GPD2: variants seen among roughly 807,000 people sequenced by gnomAD.
The protein encoded by GPD2 is glycerol-3-phosphate dehydrogenase 2, also known as glycerol-3-phosphate dehydrogenase, mitochondrial.
In GPD2, 54 loss-of-function variants were observed where a neutral mutation model predicts 82.4. The ratio of observed to expected loss-of-function variants is 0.66; its 90% CI spans 0.53 to 0.82. The LOEUF is 0.82. Among genes scored for constraint, GPD2 ranks in the 40% least tolerant of loss-of-function variants. The pLI, the probability that GPD2 is intolerant of heterozygous loss-of-function variation, is 0.00. For synonymous variants in GPD2, 288 were observed against 306.1 expected (o/e 0.94, Z 0.62); for missense variants, 748 against 896.2 (o/e 0.83, Z 2.11).
rs868085344 is a variant in GPD2 at position 156,488,251 on chromosome 2, G to T, written c.103-7793G>T. 1.0e-3 allele frequency among the ~76,000 whole-genome samples: 152 copies of T among 152,298 alleles called. 1 individual carries two copies. Among genetic ancestry groups the T allele is most frequent in the African/African-American group, 3.6e-3 (149 of 41,560 alleles). On this transcript the variant is annotated intron_variant, in intron 2 of 16. Transcript: ENST00000438166. ...ATGTCAGTTTTTAGAATCACAAAGT[G>T]ATTCAGGAAGTGAATAAAGGCCTTT...
upstream of GPD2, chr2:156,436,270 C>G (rs903943424): frequency 6.6e-6 from 1 of 152,570 alleles, no homozygotes; most frequent in South Asian, 2.1e-4. Flanking sequence ...CCGCCCTGGT[C>G]AGGCCTCCGG....
At chr2:156,466,126 T>C (rs1383100586) in intron 1 of GPD2, among the ~76,000 whole-genome samples, 5 of 152,200 alleles carry the variant, frequency 3.3e-5, no homozygotes, top group Admixed American at 3.3e-4. Flanking sequence ...TTACCCTCAA[T>C]TATGTATATG....
the GPD2 span, among the ~76,000 whole-genome samples, chr2:156,401,224 C>T: frequency 4.6e-5 from 7 of 152,168 alleles, no homozygotes; most frequent in East Asian, 1.9e-4. Context: ...ATGCTTATAG[C>T]AAATGTGCTT....
In GPD2 at chr2:156,508,323, G is replaced by T. The variant is rs76326938; in HGVS notation, c.275-2473G>T. ...AGCAAGCAAGCAGGAGGGCAATAGAGAATACTGGAAAGAGAGAGAGCACTT... is the reference window on the plus strand; with the variant it reads ...AGCAAGCAAGCAGGAGGGCAATAGATAATACTGGAAAGAGAGAGAGCACTT... On this transcript the variant is annotated intron_variant, in intron 3 of 16. Transcript: ENST00000438166. 1.7e-3 allele frequency among the ~76,000 whole-genome samples: 256 copies of T among 152,076 alleles called. 12 individuals carry two copies. The East Asian group carries it at 0.045, about 27-fold the overall frequency.
At chr2:156,581,633 A>AT (rs935451420) in intron 16 of GPD2, among the ~76,000 whole-genome samples, 5 of 152,120 alleles carry the variant, frequency 3.3e-5, no homozygotes, top group Admixed American at 2.6e-4. Flanking sequence ...CATTAAATAT[A>AT]TTTTTTGAAT....
chr2:156,412,613 T>G, the GPD2 span, among the ~76,000 whole-genome samples: 3 of 152,190 alleles, frequency 2.0e-5, no homozygotes, highest in Non-Finnish European at 4.4e-5. Flanking sequence ...GAGAATTAAA[T>G]GGGCTAATGC....
chr2:156,409,077 C>T, the GPD2 span, among the ~76,000 whole-genome samples: 3 of 152,126 alleles, frequency 2.0e-5, no homozygotes, highest in African/African-American at 2.4e-5. Context: ...TAAGAAAAAA[C>T]CACCAGAAGC....
At chr2:156,550,918 G>A (rs1686735041) in intron 8 of GPD2, among the ~76,000 whole-genome samples, 172 bp downstream of exon 8, 1 of 152,200 alleles carries the variant, frequency 6.6e-6, no homozygotes, top group African/African-American at 2.4e-5. Flanking sequence ...GACTTGGGAA[G>A]TTTTAGCCAC....
rs578177538 is a variant in GPD2 at position 156,465,867 on chromosome 2, A to G, written c.-8-10231A>G. ...TGAATGTTATCAATGAATGTGTTTC[A>G]TTGATAACATTCCTGCCTCCTCAAG... On this transcript the variant is annotated intron_variant, in intron 1 of 16. Coordinates refer to ENST00000438166, the MANE Select transcript of GPD2 (RefSeq NM_000408.5). 3.3e-3 allele frequency among the ~76,000 whole-genome samples: 510 copies of G among 152,270 alleles called. 10 individuals are homozygous for G. Among genetic ancestry groups the G allele is most frequent in the African/African-American group, 0.012 (490 of 41,550 alleles).
chr2:156,404,411 A>G, the GPD2 span, among the ~76,000 whole-genome samples: 2 of 152,028 alleles, frequency 1.3e-5, no homozygotes, highest in East Asian at 1.9e-4. Flanking sequence ...CAACAACAAA[A>G]TTAGCCTTTA....
At chr2:156,480,187 G>T (rs1683672311) in intron 2 of GPD2, among the ~76,000 whole-genome samples, 1 of 152,178 alleles carries the variant, frequency 6.6e-6, no homozygotes, top group African/African-American at 2.4e-5. Flanking sequence ...TGGAGTAGAT[G>T]AAGAGGGAAA....
intron 6 of GPD2, among the ~76,000 whole-genome samples, chr2:156,547,626 A>G (rs956502878): frequency 6.6e-6 from 1 of 152,208 alleles, no homozygotes. Flanking sequence ...TCCACCTCAC[A>G]TTTTAAACTG....
At chr2:156,531,238 A>G (rs1183263068) in intron 6 of GPD2, among the ~76,000 whole-genome samples, 1 of 152,110 alleles carries the variant, frequency 6.6e-6, no homozygotes, top group African/African-American at 2.4e-5. Context: ...TTAAATATAT[A>G]TGTATTTAAA....
At chr2:156,564,681 C>T (rs959502183) in intron 9 of GPD2, among the ~76,000 whole-genome samples, 4 of 152,028 alleles carry the variant, frequency 2.6e-5, no homozygotes, top group Non-Finnish European at 5.9e-5. Context: ...TTGTAGATAA[C>T]CTGATCCAAC....
intron 6 of GPD2, among the ~76,000 whole-genome samples, chr2:156,548,234 T>C (rs2105332080): frequency 6.6e-6 from 1 of 152,362 alleles, no homozygotes; most frequent in East Asian, 1.9e-4. Context: ...AATTGATTTC[T>C]TCAGCTTAAC....
At chr2:156,476,713 TA>T (rs1285041810) in intron 2 of GPD2, among the ~76,000 whole-genome samples, 3 of 152,250 alleles carry the variant, frequency 2.0e-5, no homozygotes, top group Non-Finnish European at 2.9e-5. Context: ...ATGAGATTGG[TA>T]AGAAGTTTCC....
intron 1 of GPD2, among the ~76,000 whole-genome samples, chr2:156,449,909 G>T (rs1558903625): frequency 6.7e-6 from 1 of 148,462 alleles, no homozygotes; most frequent in Non-Finnish European, 1.5e-5. Context: ...CAGCTACTAG[G>T]GAGGCTGAGG....
chr2:156,528,352 T>A (rs1205368308), intron 6 of GPD2, among the ~76,000 whole-genome samples: 2 of 151,966 alleles, frequency 1.3e-5, no homozygotes, highest in African/African-American at 4.8e-5. Context: ...TTCATTATCC[T>A]TAAGTATGAG....
chr2:156,530,630 T>C (rs1685816557), intron 6 of GPD2, among the ~76,000 whole-genome samples: 1 of 152,016 alleles, frequency 6.6e-6, no homozygotes, highest in Non-Finnish European at 1.5e-5. Context: ...ATTGAGAGTT[T>C]TTAGCATGAA....
Sources: allele counts gnomAD v4.1 joint callset (sites outside exome capture counted in the v4.1 genomes callset), GRCh38; gene constraint gnomAD v4.1.1; transcripts MANE v1.5; gene names NCBI Gene and HGNC (gene_info 2026-07-23, HGNC 2026-07-21).